Variants in MED12L observed in about 807,000 individuals in gnomAD.
MED12L encodes mediator complex subunit 12L.
A neutral mutation model predicts 281.3 loss-of-function variants in MED12L; 60 were observed. The ratio of observed to expected loss-of-function variants is 0.21; its 90% CI spans 0.17 to 0.26. The LOEUF (loss-of-function observed/expected upper bound fraction) is 0.26. Ranked by LOEUF, MED12L falls within the 10% of genes least tolerant of loss-of-function variation. The pLI is 1.00. For synonymous variants in MED12L, 974 were observed against 987.2 expected, an observed-to-expected ratio of 0.99 and a Z score of 0.25; for missense variants, 2,146 against 2,680.9, an observed-to-expected ratio of 0.80 and a Z score of 4.41.
chr3:151,208,666 A>G (rs77553831), intron 16 of MED12L, among the ~76,000 whole-genome samples: 8,563 of 152,252 alleles, frequency 0.056, 722 homozygotes, highest in African/African-American at 0.18. Flanking sequence ...GGACAAGAGC[A>G]AGACTCTATG....
chr3:151,293,812 C>G (rs1844924), intron 16 of MED12L, among the ~76,000 whole-genome samples: 70,758 of 151,918 alleles, frequency 0.47, 16,581 homozygotes, highest in Middle Eastern at 0.64. Flanking sequence ...TCCTATCCTT[C>G]AACTTCAAGG....
At chr3:151,329,355 A>G (rs1750085952) in intron 16 of MED12L, 1 of 619,890 alleles carries the variant, frequency 1.6e-6, no homozygotes, top group South Asian at 2.2e-5. Context: ...ATTGCTGTAA[A>G]TTATGTAATT....
chr3:151,305,110 G>T (rs978308234), intron 16 of MED12L, among the ~76,000 whole-genome samples: 1 of 152,204 alleles, frequency 6.6e-6, no homozygotes, highest in African/African-American at 2.4e-5. Context: ...AGCGCTCCCT[G>T]TGTGCTTTTA....
chr3:151,254,945 T>G (rs1469728521), intron 16 of MED12L, among the ~76,000 whole-genome samples: 2 of 152,366 alleles, frequency 1.3e-5, no homozygotes, highest in South Asian at 2.1e-4. Flanking sequence ...ACCAAAAGTC[T>G]GAGTCAGATT....
chr3:151,269,509 C>T (rs1348659910), intron 16 of MED12L: 7 of 290,520 alleles, frequency 2.4e-5, no homozygotes, highest in Non-Finnish European at 4.7e-5. Context: ...ATAACAAATT[C>T]TGCCAACCAT....
chr3:151,228,926 C>G (rs560590106), intron 16 of MED12L, among the ~76,000 whole-genome samples: 47 of 152,306 alleles, frequency 3.1e-4, no homozygotes, highest in African/African-American at 1.1e-3. Context: ...TTTCGCCTCA[C>G]TGAGATGGTA....
intron 16 of MED12L, chr3:151,269,611 G>T: frequency 2.9e-6 from 1 of 349,958 alleles, no homozygotes; most frequent in South Asian, 2.7e-5. Context: ...ATTACTTGGG[G>T]AGGAAGACAA....
At chr3:151,386,712 A>G (rs570773143) in intron 36 of MED12L, among the ~76,000 whole-genome samples, 129 of 151,890 alleles carry the variant, frequency 8.5e-4, no homozygotes, top group Non-Finnish European at 1.6e-3. Context: ...AGTAGCTGAG[A>G]TTACAGGTGC....
chr3:151,211,557 G>A (rs891451908), intron 16 of MED12L, among the ~76,000 whole-genome samples: 6 of 151,570 alleles, frequency 4.0e-5, no homozygotes, highest in Non-Finnish European at 8.8e-5. Flanking sequence ...GATACTGAGG[G>A]AAAAAAAACC....
At chr3:151,253,590 A>G (rs1173110495) in intron 16 of MED12L, among the ~76,000 whole-genome samples, 1 of 151,832 alleles carries the variant, frequency 6.6e-6, no homozygotes, top group African/African-American at 2.4e-5. Flanking sequence ...TACTTAGGCC[A>G]CCCCTCAGGC....
rs144537884 is a variant in MED12L at position 151,208,447 on chromosome 3, C to T, written c.2250+14781C>T. On this transcript the variant is annotated intron_variant, in intron 16 of 44. Transcript: ENST00000687756. ...CCTGTCATCTCAGCACTTTGGGGCC[C>T]GAGGTGGATGGATCACCGGAGGTCG... is the stretch of plus-strand genomic sequence containing the variant. Among the ~76,000 whole-genome samples the T allele has an allele frequency of 3.1e-3, 471 of 152,270 alleles. 3 individuals are homozygous for T. The highest frequency in any genetic ancestry group is 4.6e-3 in the Non-Finnish European group (314 of 68,018).
At chr3:151,187,340 C>T (rs987866010) in intron 12 of MED12L, among the ~76,000 whole-genome samples, 2 of 152,094 alleles carry the variant, frequency 1.3e-5, no homozygotes, top group African/African-American at 4.8e-5. Flanking sequence ...TCCAGACATA[C>T]AAACATACAC....
chr3:151,140,497 A>C (rs907810182), intron 5 of MED12L, among the ~76,000 whole-genome samples: 5 of 152,226 alleles, frequency 3.3e-5, no homozygotes, highest in Non-Finnish European at 5.9e-5. Context: ...GCTGCACTGT[A>C]ACTCTATGTG....
intron 16 of MED12L, among the ~76,000 whole-genome samples, chr3:151,205,636 TAAAAC>T (rs1726239641): frequency 6.6e-6 from 1 of 152,070 alleles, no homozygotes; most frequent in African/African-American, 2.4e-5. Flanking sequence ...TTGTTTTTGT[TAAAAC>T]AAGCCATGAG....
chr3:151,148,571 A>C (rs1361052064), intron 5 of MED12L, among the ~76,000 whole-genome samples: 1 of 152,206 alleles, frequency 6.6e-6, no homozygotes, highest in Non-Finnish European at 1.5e-5. Flanking sequence ...CATATAGCCT[A>C]AAGAAGGATT....
At chr3:151,222,463 G>T (rs553873049) in intron 16 of MED12L, among the ~76,000 whole-genome samples, 31 of 152,338 alleles carry the variant, frequency 2.0e-4, no homozygotes, top group Non-Finnish European at 3.1e-4. Context: ...CCTGGTGGTA[G>T]ATGATTGAAT....
intron 16 of MED12L, among the ~76,000 whole-genome samples, chr3:151,323,130 C>A (rs535086874): frequency 6.6e-6 from 1 of 152,300 alleles, no homozygotes; most frequent in East Asian, 1.9e-4. Context: ...TACATGTTAA[C>A]CACATGTTTT....
chr3:151,115,668 T>C (rs1712657344), intron 2 of MED12L, among the ~76,000 whole-genome samples: 1 of 152,034 alleles, frequency 6.6e-6, no homozygotes, highest in African/African-American at 2.4e-5. Context: ...CTTAAAAAAA[T>C]CCTATCATTT....
intron 16 of MED12L, chr3:151,241,939 G>T (rs1734199033): frequency 1.3e-5 from 2 of 153,160 alleles, no homozygotes; most frequent in Admixed American, 6.5e-5. Context: ...GCCGAAGCAG[G>T]GCGAGGCACT....
Sources: gnomAD v4.1 joint callset for allele counts (sites outside exome capture counted in the v4.1 genomes callset) on GRCh38, gnomAD v4.1.1 for gene constraint, MANE v1.5 for transcripts, NCBI Gene and HGNC (gene_info 2026-07-23, HGNC 2026-07-21) for gene names.